NCAM1: variants seen among roughly 807,000 people sequenced by gnomAD.
NCAM1 encodes the protein neural cell adhesion molecule 1.
Under a neutral mutation model 109.8 loss-of-function variants are expected in NCAM1, and 14 were observed. That is an observed-to-expected ratio of 0.13 (90% CI 0.08 to 0.20). NCAM1 has a LOEUF of 0.20. Among genes scored for constraint, NCAM1 ranks in the 10% least tolerant of loss-of-function variants. The probability of loss-of-function intolerance (pLI) is 1.00; values close to 1 mark genes in which losing one functional copy is unlikely to be tolerated. For synonymous variants in NCAM1, 418 were observed against 442.9 expected, an observed-to-expected ratio of 0.94 and a Z score of 0.70; for missense variants, 774 against 1,109.9, an observed-to-expected ratio of 0.70 and a Z score of 4.30.
intron 1 of NCAM1, among the ~76,000 whole-genome samples, chr11:113,190,078 C>A (rs1366062881): frequency 6.6e-6 from 1 of 152,108 alleles, no homozygotes; most frequent in East Asian, 1.9e-4. Context: ...ACCAGTGAAC[C>A]ATTTCCCCAG....
intron 1 of NCAM1, among the ~76,000 whole-genome samples, chr11:113,112,550 G>T (rs1940491210): frequency 6.6e-6 from 1 of 152,080 alleles, no homozygotes; most frequent in African/African-American, 2.4e-5. Flanking sequence ...CATTCCCATT[G>T]CATGCTTGAA....
chr11:113,210,687 G>A (rs150478581), intron 7 of NCAM1, among the ~76,000 whole-genome samples: 25 of 151,744 alleles, frequency 1.6e-4, no homozygotes, highest in African/African-American at 5.3e-4. Flanking sequence ...GGGTCAGGTC[G>A]ACGGGAGGAG....
chr11:113,207,150 A>G, intron 5 of NCAM1, 111 bp from the exon 6 acceptor site: 1 of 742,086 alleles, frequency 1.3e-6, no homozygotes, highest in Non-Finnish European at 2.3e-6. Context: ...GCTGCACACG[A>G]CGTTTGTCCC....
At chr11:113,264,701 T>C in intron 17 of NCAM1, 1 of 985,340 alleles carries the variant, frequency 1.0e-6, no homozygotes, top group Non-Finnish European at 1.2e-6. Context: ...AGGGACCCTT[T>C]GGAGATCTCG....
intron 1 of NCAM1, among the ~76,000 whole-genome samples, chr11:113,170,148 G>A (rs1399559449): frequency 6.6e-6 from 1 of 152,132 alleles, no homozygotes; most frequent in Admixed American, 6.5e-5. Flanking sequence ...AACCAAAGAA[G>A]GCAGATTGCT....
chr11:113,107,313 T>G (rs1198400819), intron 1 of NCAM1, among the ~76,000 whole-genome samples: 1 of 152,180 alleles, frequency 6.6e-6, no homozygotes, highest in African/African-American at 2.4e-5. Flanking sequence ...AATACTAATT[T>G]TATTAGGTGA....
chr11:113,051,683 A>G (rs955172315), intron 1 of NCAM1, among the ~76,000 whole-genome samples: 12 of 152,122 alleles, frequency 7.9e-5, no homozygotes, highest in Non-Finnish European at 1.5e-4. Flanking sequence ...CTGTGTCATC[A>G]TATATTTTCT....
At chr11:113,230,678 C>T (rs1247812078) in intron 9 of NCAM1, among the ~76,000 whole-genome samples, 2 of 152,218 alleles carry the variant, frequency 1.3e-5, no homozygotes, top group Admixed American at 6.5e-5. Context: ...AACCTCCTGT[C>T]CATCCCTACA....
chr11:113,095,104 G>C (rs1939532241), intron 1 of NCAM1, among the ~76,000 whole-genome samples: 1 of 152,070 alleles, frequency 6.6e-6, no homozygotes, highest in Non-Finnish European at 1.5e-5. Flanking sequence ...ACTAAATCTT[G>C]ATATTTCATG....
rs797025716 is a variant in NCAM1 at position 113,012,051 on chromosome 11, C to T, written c.52+50387C>T. 2.8e-5 allele frequency among the ~76,000 whole-genome samples: 4 copies of T among 143,360 alleles called. No individual in the cohort carries two copies. The South Asian group carries it at 8.7e-4, about 31-fold the overall frequency. 94.0% of individuals were successfully genotyped at this position (143,360 alleles called of 152,430 possible). On this transcript the variant is annotated intron_variant, in intron 1 of 19. Coordinates refer to ENST00000316851, the MANE Select transcript of NCAM1 (RefSeq NM_181351.5). ...TCTTTTTTTTGGTGTGTGACAGATT[C>T]TCCGTCTCCCAGGCTGGAGTGCAGT...
chr11:113,189,892 A>AC (rs1250334825), intron 1 of NCAM1, among the ~76,000 whole-genome samples: 2 of 151,976 alleles, frequency 1.3e-5, no homozygotes, highest in African/African-American at 2.4e-5. Flanking sequence ...AAAAAAAAAA[A>AC]AACTATGCTG....
intron 1 of NCAM1, among the ~76,000 whole-genome samples, chr11:113,146,242 A>G (rs1028600744): frequency 6.6e-6 from 1 of 152,218 alleles, no homozygotes; most frequent in African/African-American, 2.4e-5. Context: ...TTTATTTCCT[A>G]GGTTGGAGTA....
chr11:113,253,606 C>G lies in NCAM1; in HGVS notation c.1829-2271C>G, dbSNP rs575797506. On this transcript the variant is annotated intron_variant, in intron 15 of 19. Transcript: ENST00000316851. ...TGCAGGATTGATTCAGCCTTGAAAA[C>G]TCACACAGCTCAATTTCAAGAGGAA... 3.3e-5 allele frequency among the ~76,000 whole-genome samples: 5 copies of G among 152,268 alleles called. No individual in the cohort carries two copies. The East Asian group carries it at 9.7e-4, about 29-fold the overall frequency.
chr11:112,979,511 T>C (rs1204493281), intron 1 of NCAM1, among the ~76,000 whole-genome samples: 1 of 151,708 alleles, frequency 6.6e-6, no homozygotes, highest in African/African-American at 2.4e-5. Flanking sequence ...GAAACAACTA[T>C]AGAAAAAAAG....
chr11:113,201,049 C>G (rs181041256), intron 1 of NCAM1, among the ~76,000 whole-genome samples: 1 of 152,136 alleles, frequency 6.6e-6, no homozygotes, highest in Admixed American at 6.5e-5. Context: ...TCCCCTTATG[C>G]CCTCCTCCTT....
intron 1 of NCAM1, among the ~76,000 whole-genome samples, chr11:113,097,511 T>TC (rs1203605233): frequency 6.6e-6 from 1 of 152,122 alleles, no homozygotes; most frequent in Non-Finnish European, 1.5e-5. Context: ...ACCCTCCCGT[T>TC]AGCTGAATGA....
intron 1 of NCAM1, among the ~76,000 whole-genome samples, chr11:113,065,558 A>G (rs1240266796): frequency 6.6e-6 from 1 of 152,204 alleles, no homozygotes; most frequent in African/African-American, 2.4e-5. Flanking sequence ...GGCACTTTAC[A>G]TGTGTGCTCT....
intron 1 of NCAM1, among the ~76,000 whole-genome samples, chr11:112,986,716 AT>A (rs1951315693): frequency 6.6e-6 from 1 of 151,862 alleles, no homozygotes; most frequent in African/African-American, 2.4e-5. Context: ...GTCTCTTATG[AT>A]CCTTTGTACT....
chr11:113,041,302 T>C (rs1466777364), intron 1 of NCAM1: 1 of 152,252 alleles, frequency 6.6e-6, no homozygotes, highest in East Asian at 1.9e-4. Context: ...AACATTTTTT[T>C]GAGCTTTTTC....
Sources: gnomAD v4.1 joint callset for allele counts (sites outside exome capture counted in the v4.1 genomes callset) on GRCh38, gnomAD v4.1.1 for gene constraint, MANE v1.5 for transcripts, NCBI Gene and HGNC (gene_info 2026-07-23, HGNC 2026-07-21) for gene names.